PDS5B: variants seen among roughly 807,000 people sequenced by gnomAD.
The protein encoded by PDS5B is PDS5 cohesin associated factor B.
A neutral mutation model predicts 184.1 loss-of-function variants in PDS5B; 51 were observed. The observed-to-expected ratio is 0.28, with a 90% CI of 0.22 to 0.35. The LOEUF (loss-of-function observed/expected upper bound fraction) is 0.35, where lower values mean the gene tolerates loss of function less well. PDS5B is among the 10% of genes least tolerant of loss of function. The probability of loss-of-function intolerance (pLI) is 1.00; values close to 1 mark genes in which losing one functional copy is unlikely to be tolerated. For missense variants in PDS5B, 1,180 were observed against 1,723.3 expected, an observed-to-expected ratio of 0.68 and a Z score of 5.58; for synonymous variants, 566 against 569.2, an observed-to-expected ratio of 0.99 and a Z score of 0.08.
intron 17 of PDS5B, among the ~76,000 whole-genome samples, chr13:32,706,277 CAAAAATAAATAAATAAATAA>C (rs1246594122): frequency 8.1e-6 from 1 of 124,172 alleles, no homozygotes; most frequent in Non-Finnish European, 1.7e-5. Flanking sequence ...AACTTCGTCT[CAAAAATAAATAAATAAATAA>C]ATAAATAAAT....
chr13:32,718,849 A>C (rs897002237), intron 19 of PDS5B, among the ~76,000 whole-genome samples: 1 of 152,240 alleles, frequency 6.6e-6, no homozygotes, highest in African/African-American at 2.4e-5. Context: ...CTAGAAGTAA[A>C]GTATACAAGA....
intron 1 of PDS5B, among the ~76,000 whole-genome samples, chr13:32,611,937 A>G (rs1205106772): frequency 6.6e-6 from 1 of 152,072 alleles, no homozygotes; most frequent in Non-Finnish European, 1.5e-5. Context: ...TTTTCAACAG[A>G]ATTTCTGAGT....
intron 7 of PDS5B, among the ~76,000 whole-genome samples, chr13:32,669,849 T>TC (rs1343749788): frequency 1.3e-5 from 2 of 152,194 alleles, no homozygotes; most frequent in African/African-American, 4.8e-5. Context: ...AATTGCTTTT[T>TC]CCCTCCCTTT....
Position 32,701,276 on chromosome 13 carries a change from A to T in PDS5B, c.1741-47A>T, listed in dbSNP as rs1315066701. 5 of 959,610 alleles carry T rather than the reference A, an allele frequency of 5.2e-6. No individual in the cohort carries two copies. In the Admixed American group the frequency reaches 5.8e-5, roughly 11 times the overall value. 59.4% of individuals were successfully genotyped at this position (959,610 alleles called of 1,614,324 possible). On this transcript the variant is annotated intron_variant, in intron 16 of 34. Coordinates refer to ENST00000315596, the MANE Select transcript of PDS5B (RefSeq NM_015032.4). The stretch of plus-strand genomic sequence containing the variant: ...TGGTTCTTAATATTTTAACATAATG[A>T]TTTGTTTAAATGTACTTTTGTAATA...
chr13:32,697,923 C>T (rs1205554113), intron 15 of PDS5B, among the ~76,000 whole-genome samples: 4 of 152,224 alleles, frequency 2.6e-5, no homozygotes, highest in African/African-American at 9.6e-5. Context: ...CTATGTTGCC[C>T]AGGCTAGTGC....
chr13:32,606,392 G>A (rs1280775239), intron 1 of PDS5B, among the ~76,000 whole-genome samples: 1 of 152,112 alleles, frequency 6.6e-6, no homozygotes, highest in Non-Finnish European at 1.5e-5. Context: ...TTGAATATTG[G>A]CCCCCACTCT....
intron 31 of PDS5B, among the ~76,000 whole-genome samples, chr13:32,769,012 C>T (rs937433140): frequency 3.4e-5 from 5 of 147,990 alleles, no homozygotes; most frequent in Admixed American, 1.3e-4. Flanking sequence ...CCCAGCTACT[C>T]GGGAGAAGGC....
intron 2 of PDS5B, among the ~76,000 whole-genome samples, chr13:32,651,218 A>T (rs1298322851): frequency 6.6e-6 from 1 of 152,216 alleles, no homozygotes; most frequent in Non-Finnish European, 1.5e-5. Flanking sequence ...TCCACATCAT[A>T]TTCTCTTTTA....
chr13:32,637,055 G>C (rs1222697599), intron 1 of PDS5B, among the ~76,000 whole-genome samples: 2 of 152,192 alleles, frequency 1.3e-5, no homozygotes, highest in Non-Finnish European at 2.9e-5. Context: ...CAAATGGTCA[G>C]ATTAGTATAT....
intron 3 of PDS5B, among the ~76,000 whole-genome samples, chr13:32,656,212 G>A (rs918920053): frequency 3.5e-5 from 5 of 143,722 alleles, no homozygotes; most frequent in Non-Finnish European, 7.5e-5. Context: ...GTACCATGCT[G>A]TTTTGGTTAC....
At chr13:32,673,679 A>G (rs1189192130) in intron 8 of PDS5B, among the ~76,000 whole-genome samples, 1 of 152,198 alleles carries the variant, frequency 6.6e-6, no homozygotes, top group African/African-American at 2.4e-5. Context: ...AGTTTATAGT[A>G]GTTCCTTTGA....
At chr13:32,733,759 T>TC (rs1298033723) in intron 20 of PDS5B, among the ~76,000 whole-genome samples, 1 of 152,028 alleles carries the variant, frequency 6.6e-6, no homozygotes, top group Non-Finnish European at 1.5e-5. Flanking sequence ...GGTGAAAAGT[T>TC]CCCCCACCCA....
intron 1 of PDS5B, among the ~76,000 whole-genome samples, chr13:32,611,180 T>C (rs1287902042): frequency 6.6e-6 from 1 of 152,202 alleles, no homozygotes; most frequent in African/African-American, 2.4e-5. Context: ...TAGTCATTCA[T>C]TTCCATGGCT....
rs147797445 is a variant in PDS5B, at chr13:32,700,214, TAAG to T, written c.1740+351_1740+353del. On this transcript the variant is annotated intron_variant, in intron 16 of 34. Transcript: ENST00000315596. Reference sequence around the variant, plus strand: ...TTTTTTCCTACTTTTTGATTACTATTAAGAAGAATATAATTAATATTTTTACAC... The same window carrying T: ...TTTTTTCCTACTTTTTGATTACTATTAAGAATATAATTAATATTTTTACAC... Among the ~76,000 whole-genome samples the T allele has an allele frequency of 4.5e-3, 681 of 152,226 alleles. 6 individuals are homozygous for T. Among genetic ancestry groups the T allele is most frequent in the African/African-American group, 0.016 (651 of 41,570 alleles).
intron 1 of PDS5B, among the ~76,000 whole-genome samples, chr13:32,646,369 G>GGTTTTT (rs1950226195): frequency 2.8e-5 from 3 of 106,070 alleles, no homozygotes; most frequent in African/African-American, 1.2e-4. Context: ...TCATGGCTGT[G>GGTTTTT]TTTTTTTTTT....
In PDS5B at chr13:32,586,891, T is replaced by G. The variant is rs1292552377; in HGVS notation, c.-20+298T>G. On this transcript the variant is annotated intron_variant, in intron 1 of 34. Coordinates refer to ENST00000315596, the MANE Select transcript of PDS5B (RefSeq NM_015032.4). ...GGTTCTGCCGCAGCCTCTGGAAAAT[T>G]AAACTTGCCGCTCTGATCCCGGCCG... Among the ~76,000 whole-genome samples, 3 of 136,482 alleles carry G rather than the reference T, an allele frequency of 2.2e-5. No individual in the cohort carries two copies. The East Asian group carries it at 7.1e-4, about 32-fold the overall frequency. 89.5% of individuals were successfully genotyped at this position (136,482 alleles called of 152,430 possible). A position where few individuals can be genotyped will look rare whatever the true frequency, so the allele number is the denominator to read the frequency against.
intron 17 of PDS5B, among the ~76,000 whole-genome samples, chr13:32,706,295 T>TAAAC: frequency 7.0e-6 from 1 of 143,612 alleles, no homozygotes; most frequent in Non-Finnish European, 1.5e-5. Context: ...AATAAATAAA[T>TAAAC]AAATAAATAA....
intron 25 of PDS5B, among the ~76,000 whole-genome samples, chr13:32,754,842 A>G (rs550085002): frequency 7.9e-5 from 12 of 152,250 alleles, no homozygotes; most frequent in Middle Eastern, 3.4e-3. Context: ...CACCTTTCAC[A>G]TTGAAGTGTA....
intron 16 of PDS5B, among the ~76,000 whole-genome samples, chr13:32,700,106 T>C (rs1267539506): frequency 6.6e-6 from 1 of 152,168 alleles, no homozygotes; most frequent in Non-Finnish European, 1.5e-5. Flanking sequence ...ATTAGTCTTT[T>C]ATAGTATTTA....
Sources: gnomAD v4.1 joint callset for allele counts (sites outside exome capture counted in the v4.1 genomes callset) on GRCh38, gnomAD v4.1.1 for gene constraint, MANE v1.5 for transcripts, NCBI Gene and HGNC (gene_info 2026-07-23, HGNC 2026-07-21) for gene names.